The following TAF1A variants were observed in gnomAD, a reference collection of about 807,000 sequenced individuals.
TAF1A encodes TATA box-binding protein-associated factor RNA polymerase I subunit A.
TAF1A carries 42 observed loss-of-function variants against 61.6 expected under a neutral mutation model. That is an observed-to-expected ratio of 0.68 (90% CI 0.53 to 0.88). The LOEUF (loss-of-function observed/expected upper bound fraction) is 0.88. Among genes scored for constraint, TAF1A ranks in the 40% least tolerant of loss-of-function variants. The probability of loss-of-function intolerance (pLI) is 0.00; values close to 1 mark genes in which losing one functional copy is unlikely to be tolerated. For missense variants in TAF1A, 424 were observed against 518.7 expected, an observed-to-expected ratio of 0.82 and a Z score of 1.77; for synonymous variants, 179 against 177.7, an observed-to-expected ratio of 1.01 and a Z score of -0.06.
chr1:222,569,783 GGTTCCC>G (rs1558145754), intron 6 of TAF1A, 115 bp from the exon 7 acceptor site: 2 of 961,812 alleles, frequency 2.1e-6, no homozygotes, highest in Admixed American at 6.2e-5. Flanking sequence ...AAACTGACAG[GGTTCCC>G]ATTTTTTCCC....
intron 7 of TAF1A, among the ~76,000 whole-genome samples, chr1:222,568,441 C>A (rs149558502): frequency 6.6e-6 from 1 of 151,396 alleles, no homozygotes; most frequent in South Asian, 2.1e-4. Context: ...CAATTGATCC[C>A]CCCAAAAATA....
Position 222,570,531 on chromosome 1 carries a change from T to C in TAF1A, c.735+4A>G. 1 of 1,598,898 alleles carries C rather than the reference T, an allele frequency of 6.3e-7. No homozygotes were observed. The highest frequency in any genetic ancestry group is 8.5e-7 in the Non-Finnish European group (1 of 1,170,220). On this transcript the variant is annotated splice_donor_region_variant and intron_variant, in intron 6 of 10. Transcript: ENST00000352967. ...CCAATAAATTTAATGAAAATTCTAC[T>C]TACTTCTACATAACTCTTCACAAAA...
chr1:222,573,802 G>C (rs943150602), intron 5 of TAF1A, among the ~76,000 whole-genome samples: 4 of 152,042 alleles, frequency 2.6e-5, no homozygotes, highest in African/African-American at 9.7e-5. Flanking sequence ...GTACATAAAT[G>C]TTCACAGCAA....
intron 9 of TAF1A, 103 bp from the exon 10 acceptor site, chr1:222,561,621 T>C: frequency 2.5e-6 from 3 of 1,193,422 alleles, no homozygotes; most frequent in East Asian, 2.6e-5. Flanking sequence ...ACAAGGAAGA[T>C]GCTTCCAAGC....
At chr1:222,573,644 C>A (rs1909192) in intron 5 of TAF1A, among the ~76,000 whole-genome samples, 23,838 of 151,984 alleles carry the variant, frequency 0.16, 2,014 homozygotes, top group African/African-American at 0.22. Context: ...CCTCATACAC[C>A]GCTACTGGGG....
At position 222,588,493 on chromosome 1, in the gene TAF1A, C is replaced by G. The variant is rs751245389; in HGVS notation, c.71G>C (p.Ser24Thr). 6.2e-7 allele frequency: 1 copy of G among 1,614,100 alleles called. No individual in the cohort carries two copies. Among genetic ancestry groups the G allele is most frequent in the Non-Finnish European group, 8.5e-7 (1 of 1,179,994 alleles). Residue 24 changes from serine (S) to threonine (T), a missense_variant, in exon 2 of 11, where the codon AGT becomes ACT. Coordinates refer to ENST00000352967, the MANE Select transcript of TAF1A (RefSeq NM_005681.4). The stretch of plus-strand genomic sequence containing the variant: ...CCAAGGAAAATGCATTCCTGCACCA[C>G]TGAGCACAGATGTTTCCACTTCTTC... The part of the protein sequence containing the change: ...DDEEVETSVL[S>T]GAGMHFPWLQ...
chr1:222,589,732 T>C lies in TAF1A; in HGVS notation c.-8A>G, dbSNP rs576207992. On this transcript the variant is annotated 5_prime_UTR_variant, in exon 1 of 11. Transcript: ENST00000352967. ...GCGATATCTGCGGCACTTACCCGCC[T>C]AAATTTAGAGCTCCTCAGTAAAGCT... The C allele has an allele frequency of 4.0e-6, 1 of 247,414 alleles. No homozygotes were observed. Among genetic ancestry groups the C allele is most frequent in the Non-Finnish European group, 7.7e-6 (1 of 130,570 alleles). The allele number at this position is 247,414 out of a possible 1,614,324, so 15.3% of individuals were successfully genotyped here.
chr1:222,579,641 T>A, intron 4 of TAF1A, 118 bp downstream of exon 4: 1 of 1,218,526 alleles, frequency 8.2e-7, no homozygotes, highest in Admixed American at 2.7e-5. Context: ...CTCTTATTTA[T>A]CCAGAATGTC....
Position 222,558,758 on chromosome 1 carries a change from G to T in TAF1A, c.1255C>A (p.Arg419=). 1.3e-6 allele frequency: 2 copies of T among 1,515,722 alleles called. No individual in the cohort carries two copies. The highest frequency in any genetic ancestry group is 1.8e-6 in the Non-Finnish European group (2 of 1,122,870). 93.9% of individuals were successfully genotyped at this position (1,515,722 alleles called of 1,614,324 possible). A position where few individuals can be genotyped will look rare whatever the true frequency, so the allele number is the denominator to read the frequency against. Residue 419 remains arginine, a synonymous_variant, in exon 11 of 11, where the codon CGG becomes AGG. Transcript: ENST00000352967. ...TGGTGATCTTGCTTTAAAATATACC[G>T]GAAATATCTACAACCTAAAAAGTTA... ...LLLGKGCRYF[R]YILKQDHQIL... is the part of the protein sequence containing the mutation.
intron 5 of TAF1A, among the ~76,000 whole-genome samples, chr1:222,572,830 C>G (rs1207750022): frequency 6.6e-6 from 1 of 152,206 alleles, no homozygotes; most frequent in Non-Finnish European, 1.5e-5. Flanking sequence ...TTAAAACTCT[C>G]AGAAGAAGTG....
At chr1:222,563,525 T>G (rs564296527) in intron 8 of TAF1A, among the ~76,000 whole-genome samples, 2 of 152,194 alleles carry the variant, frequency 1.3e-5, no homozygotes, top group Non-Finnish European at 2.9e-5. Context: ...GTAATGGTGG[T>G]GAATTTGATC....
In TAF1A at chr1:222,559,078, C is replaced by A. The variant is rs77528657; in HGVS notation, c.1241-306G>T. Among the ~76,000 whole-genome samples, 127 of 152,286 alleles carry A rather than the reference C, an allele frequency of 8.3e-4. 1 individual carries two copies. Among genetic ancestry groups the A allele is most frequent in the Non-Finnish European group, 1.6e-3 (109 of 68,032 alleles). ...ACCATAATTAAAGCATAGACTTTAG[C>A]TTGTTTTCTACTCTTCCTCCTACAC... is the stretch of plus-strand genomic sequence containing the variant. On this transcript the variant is annotated intron_variant, in intron 10 of 10. Transcript: ENST00000352967.
chr1:222,585,745 T>C (rs1370824193), intron 2 of TAF1A, among the ~76,000 whole-genome samples: 2 of 152,198 alleles, frequency 1.3e-5, no homozygotes, highest in East Asian at 1.9e-4. Context: ...TATTGATACA[T>C]ACTTTTATTG....
intron 8 of TAF1A, 138 bp downstream of exon 8, chr1:222,563,921 C>T: frequency 1.6e-6 from 1 of 625,300 alleles, no homozygotes; most frequent in Non-Finnish European, 2.9e-6. Flanking sequence ...GCAGACAATA[C>T]AGAAACAGAT....
intron 1 of TAF1A, among the ~76,000 whole-genome samples, chr1:222,589,511 TTAC>T (rs1301210336): frequency 2.6e-5 from 4 of 152,294 alleles, no homozygotes; most frequent in Non-Finnish European, 5.9e-5. Context: ...TCAGGAGTAG[TTAC>T]ACAAATCCTC....
intron 7 of TAF1A, among the ~76,000 whole-genome samples, chr1:222,567,611 T>C (rs978680673): frequency 3.9e-5 from 6 of 152,144 alleles, no homozygotes; most frequent in Admixed American, 2.6e-4. Flanking sequence ...TGGAGAGACA[T>C]GCCATGTTTA....
chr1:222,580,706 A>G (rs907019068), intron 3 of TAF1A, among the ~76,000 whole-genome samples: 6 of 152,020 alleles, frequency 3.9e-5, no homozygotes, highest in Admixed American at 2.0e-4. Context: ...GGGAGCTTAA[A>G]GAAAACCTGG....
At position 222,564,648 on chromosome 1, in the gene TAF1A, A is replaced by G. The variant is rs192064702; in HGVS notation, c.895-523T>C. ...TAAATATTTTAACAACCTTTCACAC[A>G]ATGAAAAAATTAAAGATTTTTCTTT... On this transcript the variant is annotated intron_variant, in intron 7 of 10. Transcript: ENST00000352967. 2.3e-3 allele frequency among the ~76,000 whole-genome samples: 343 copies of G among 152,232 alleles called. 1 individual carries two copies. The highest frequency in any genetic ancestry group is 6.0e-3 in the Admixed American group (91 of 15,288).
chr1:222,583,426 G>GA (rs71175170), intron 3 of TAF1A, among the ~76,000 whole-genome samples: 127,978 of 148,772 alleles, frequency 0.86, 55,021 homozygotes, highest in East Asian at 0.93. Flanking sequence ...TTGATAAAAC[G>GA]AAAAAAAAAA....
Sources: gnomAD v4.1 joint callset for allele counts (sites outside exome capture counted in the v4.1 genomes callset) on GRCh38, gnomAD v4.1.1 for gene constraint, MANE v1.5 for transcripts, NCBI Gene and HGNC (gene_info 2026-07-23, HGNC 2026-07-21) for gene names.